Variants in KYNU observed in about 807,000 individuals in gnomAD.
KYNU encodes L-kynurenine hydrolase.
KYNU carries 54 observed loss-of-function variants against 59.2 expected under a neutral mutation model. The observed-to-expected ratio is 0.91, with a 90% confidence interval of 0.73 to 1.14. The LOEUF (loss-of-function observed/expected upper bound fraction) is 1.14. KYNU is among the 50% of genes most tolerant of loss of function. The probability of loss-of-function intolerance (pLI) is 0.00; values close to 1 mark genes in which losing one functional copy is unlikely to be tolerated. For missense variants in KYNU, 567 were observed against 554.4 expected (o/e 1.02, Z -0.23); for synonymous variants, 177 against 192.0 (o/e 0.92, Z 0.65).
intron 3 of KYNU, among the ~76,000 whole-genome samples, chr2:142,924,995 T>C (rs1401646639): frequency 6.6e-6 from 1 of 152,136 alleles, no homozygotes; most frequent in Non-Finnish European, 1.5e-5. Context: ...CCAAAAGCAT[T>C]GCAGGAAGAA....
intron 2 of KYNU, among the ~76,000 whole-genome samples, chr2:142,911,065 C>G (rs562122878): frequency 6.6e-6 from 1 of 151,958 alleles, no homozygotes; most frequent in African/African-American, 2.4e-5. Context: ...TGGTCACATA[C>G]GAATTTTAGA....
At chr2:142,947,943 G>A (rs1683853726) in intron 4 of KYNU, 1 of 152,136 alleles carries the variant, frequency 6.6e-6, no homozygotes, top group African/African-American at 2.4e-5. Context: ...TTGTATCATT[G>A]GGTCCTCCAA....
At chr2:142,945,753 T>A (rs1683754026) in intron 4 of KYNU, among the ~76,000 whole-genome samples, 1 of 151,848 alleles carries the variant, frequency 6.6e-6, no homozygotes, top group East Asian at 1.9e-4. Context: ...TAATTTTTTT[T>A]TTTTTGGAAA....
At chr2:143,013,126 G>C (rs1259332359) in intron 10 of KYNU, among the ~76,000 whole-genome samples, 1 of 152,080 alleles carries the variant, frequency 6.6e-6, no homozygotes. Context: ...CTCCCACGTA[G>C]CTGGGACTAC....
At position 143,043,073 on chromosome 2, in the gene KYNU, AT is replaced by A. The variant is rs1029202285; in HGVS notation, c.*903del. On this transcript the variant is annotated 3_prime_UTR_variant, in exon 14 of 14. Coordinates refer to ENST00000264170, the MANE Select transcript of KYNU (RefSeq NM_003937.3). ...TTTCCTTACCCACTCATGGGCCCTA[AT>A]TCACACTTTTTAAGAATGTTTCTTT... The A allele has an allele frequency of 1.3e-5, 2 of 151,988 alleles. No homozygotes were observed. The highest frequency in any genetic ancestry group is 2.9e-5 in the Non-Finnish European group (2 of 67,922). The allele number at this position is 151,988 out of a possible 1,614,324, so 9.4% of individuals were successfully genotyped here.
rs1687343814 is a variant in KYNU, at chr2:143,055,708, TAGG to T, written c.*13540_*13542del. 1 of 146,738 alleles carries T rather than the reference TAGG, an allele frequency of 6.8e-6. No individual in the cohort carries two copies. The highest frequency in any genetic ancestry group is 2.5e-5 in the African/African-American group (1 of 39,660). The allele number at this position is 146,738 out of a possible 1,614,324, so 9.1% of individuals were successfully genotyped here. ...GAAAGGGAGGAGAGGAGAGGAGAGG[TAGG>T]AGGGAAGAAGAAAAAAATAGTATGA... is the stretch of plus-strand genomic sequence containing the variant. On this transcript the variant is annotated 3_prime_UTR_variant, in exon 14 of 14. Transcript: ENST00000264170.
chr2:143,032,277 C>CAAAAACAAAAACA (rs1370807577), intron 11 of KYNU, among the ~76,000 whole-genome samples: 1 of 107,134 alleles, frequency 9.3e-6, no homozygotes, highest in Non-Finnish European at 2.1e-5. Context: ...GACTCCATCT[C>CAAAAACAAAAACA]AAAAACAAAA....
At chr2:142,887,975 A>G (rs1409438458) in intron 2 of KYNU, among the ~76,000 whole-genome samples, 1 of 152,196 alleles carries the variant, frequency 6.6e-6, no homozygotes, top group East Asian at 1.9e-4. Flanking sequence ...GCAGCATTGT[A>G]CATATAATCA....
intron 2 of KYNU, among the ~76,000 whole-genome samples, chr2:142,897,305 G>T (rs568965542): frequency 6.6e-6 from 1 of 152,240 alleles, no homozygotes; most frequent in African/African-American, 2.4e-5. Flanking sequence ...ATAAAATGTA[G>T]ACCTAGTTCC....
chr2:142,937,849 T>C (rs1424434844), intron 4 of KYNU, among the ~76,000 whole-genome samples: 1 of 152,258 alleles, frequency 6.6e-6, no homozygotes, highest in Non-Finnish European at 1.5e-5. Context: ...ACTTAAAATA[T>C]GTAAGGAGGC....
At position 143,048,345 on chromosome 2, in the gene KYNU, A is replaced by G. The variant is rs913307908; in HGVS notation, c.*6173A>G. ...AGTTTAGAATTAGCCATTTTTTATAACTCTCCTTCTGACTAGTTGAAGAAA... is the reference window on the plus strand; with the variant it reads ...AGTTTAGAATTAGCCATTTTTTATAGCTCTCCTTCTGACTAGTTGAAGAAA... On this transcript the variant is annotated 3_prime_UTR_variant, in exon 14 of 14. Transcript: ENST00000264170. 6.6e-6 allele frequency: 1 copy of G among 151,842 alleles called. No individual in the cohort carries two copies. The highest frequency in any genetic ancestry group is 2.4e-5 in the African/African-American group (1 of 41,310). The allele number at this position is 151,842 out of a possible 1,614,324, so 9.4% of individuals were successfully genotyped here.
chr2:142,959,630 C>T (rs559996599), intron 7 of KYNU, among the ~76,000 whole-genome samples: 1 of 151,964 alleles, frequency 6.6e-6, no homozygotes, highest in East Asian at 1.9e-4. Flanking sequence ...TGCTAGGATA[C>T]AGGATACACA....
intron 4 of KYNU, among the ~76,000 whole-genome samples, chr2:142,944,819 C>T (rs907794292): frequency 5.3e-5 from 8 of 152,150 alleles, no homozygotes; most frequent in African/African-American, 1.9e-4. Flanking sequence ...GATATTGTGG[C>T]TTGGTTCCAG....
At chr2:142,903,273 G>A (rs569114763) in intron 2 of KYNU, among the ~76,000 whole-genome samples, 8 of 152,048 alleles carry the variant, frequency 5.3e-5, no homozygotes, top group South Asian at 4.2e-4. Context: ...AGAACACGAC[G>A]GGCATTATTT....
chr2:142,909,647 G>A (rs1301769363), intron 2 of KYNU, among the ~76,000 whole-genome samples: 1 of 152,036 alleles, frequency 6.6e-6, no homozygotes, highest in Non-Finnish European at 1.5e-5. Flanking sequence ...TCTTTCTATG[G>A]CTATGTAGTA....
intron 7 of KYNU, among the ~76,000 whole-genome samples, chr2:142,960,182 G>A (rs1684296263): frequency 6.6e-6 from 1 of 152,024 alleles, no homozygotes; most frequent in Non-Finnish European, 1.5e-5. Flanking sequence ...CCACACACCC[G>A]GCATGTTTTC....
At chr2:142,903,206 G>T (rs1682168138) in intron 2 of KYNU, among the ~76,000 whole-genome samples, 2 of 152,050 alleles carry the variant, frequency 1.3e-5, no homozygotes, top group South Asian at 2.1e-4. Flanking sequence ...TTGGGCCTCG[G>T]GTCTAAGGGG....
At chr2:143,005,751 A>T (rs1407475151) in intron 10 of KYNU, among the ~76,000 whole-genome samples, 1 of 152,052 alleles carries the variant, frequency 6.6e-6, no homozygotes, top group Non-Finnish European at 1.5e-5. Context: ...CATGGAAAGT[A>T]ATGACAAAAA....
chr2:142,976,324 C>T (rs1194490948), intron 8 of KYNU, among the ~76,000 whole-genome samples: 1 of 152,144 alleles, frequency 6.6e-6, no homozygotes, highest in East Asian at 1.9e-4. Flanking sequence ...TTGTTGCTTA[C>T]TTATCAAGGC....
Sources: gnomAD v4.1 joint callset for allele counts (sites outside exome capture counted in the v4.1 genomes callset) on GRCh38, gnomAD v4.1.1 for gene constraint, MANE v1.5 for transcripts, NCBI Gene and HGNC (gene_info 2026-07-23, HGNC 2026-07-21) for gene names.